Variants in RGS9 observed in about 807,000 individuals in gnomAD.
RGS9 encodes the protein regulator of G protein signaling 9.
In RGS9, 78 loss-of-function variants were observed where a neutral mutation model predicts 102.0. That is an observed-to-expected ratio of 0.76 (90% CI 0.64 to 0.92). The LOEUF is 0.92. Ranked by LOEUF, RGS9 falls within the 40% of genes least tolerant of loss-of-function variation. The probability of loss-of-function intolerance (pLI) is 0.00; values close to 1 mark genes in which losing one functional copy is unlikely to be tolerated. For missense variants in RGS9, 833 were observed against 866.1 expected (o/e 0.96, Z 0.48); for synonymous variants, 353 against 318.6 (o/e 1.11, Z -1.15).
At chr17:65,182,663 C>T (rs1264678925) in intron 9 of RGS9, among the ~76,000 whole-genome samples, 4 of 152,188 alleles carry the variant, frequency 2.6e-5, no homozygotes, top group African/African-American at 7.2e-5. Flanking sequence ...GAGACATAGC[C>T]GTTTGCCCAA....
At chr17:65,144,028 C>T (rs571389335) in intron 1 of RGS9, among the ~76,000 whole-genome samples, 3 of 151,834 alleles carry the variant, frequency 2.0e-5, no homozygotes, top group Admixed American at 6.6e-5. Context: ...GCTTTTGAAT[C>T]GGTGGGAAGA....
chr17:65,174,718 A>G (rs918378373), intron 8 of RGS9, among the ~76,000 whole-genome samples: 5 of 151,358 alleles, frequency 3.3e-5, no homozygotes, highest in African/African-American at 1.2e-4. Context: ...GTTTTTGTGT[A>G]TTCATTCTCA....
At chr17:65,207,135 G>A (rs1375313768) in intron 15 of RGS9, among the ~76,000 whole-genome samples, 3 of 152,152 alleles carry the variant, frequency 2.0e-5, no homozygotes, top group Non-Finnish European at 4.4e-5. Flanking sequence ...GGTTGTTTTT[G>A]TTTTTGCTTT....
Position 65,193,527 on chromosome 17 carries a change from T to G in RGS9, c.747-16T>G, listed in dbSNP as rs781119858. ...GTGTCGAGCTTCTAGGAAATCATTT[T>G]CTGTTTCCTTTTCAGGATTGTGAAA... On this transcript the variant is annotated splice_polypyrimidine_tract_variant and intron_variant, in intron 11 of 18. Coordinates refer to ENST00000262406, the MANE Select transcript of RGS9 (RefSeq NM_003835.4). 6.5e-7 allele frequency: 1 copy of G among 1,540,758 alleles called. No homozygotes were observed. Among genetic ancestry groups the G allele is most frequent in the Non-Finnish European group, 9.0e-7 (1 of 1,113,336 alleles).
intron 17 of RGS9, among the ~76,000 whole-genome samples, chr17:65,221,518 T>C (rs1334873771): frequency 6.6e-6 from 1 of 152,218 alleles, no homozygotes; most frequent in East Asian, 1.9e-4. Flanking sequence ...CACACAGACC[T>C]GGCCTCAGGT....
chr17:65,225,511 G>A lies in RGS9; in HGVS notation c.1892+25G>A, dbSNP rs58535033. On this transcript the variant is annotated intron_variant, in intron 18 of 18. Coordinates refer to ENST00000262406, the MANE Select transcript of RGS9 (RefSeq NM_003835.4). ...AGTAAGAACCCGAAGGGGACGTGCCGTATGCATGGGTGGCTGTGGGTGTGC... is the reference window on the plus strand; with the variant it reads ...AGTAAGAACCCGAAGGGGACGTGCCATATGCATGGGTGGCTGTGGGTGTGC... The A allele has an allele frequency of 4.6e-3, 7,387 of 1,599,448 alleles. 300 individuals are homozygous for A. The African/African-American group carries it at 0.087, about 19-fold the overall frequency.
intron 1 of RGS9, among the ~76,000 whole-genome samples, chr17:65,141,038 T>C (rs1041663693): frequency 2.0e-5 from 3 of 152,230 alleles, no homozygotes; most frequent in Admixed American, 2.0e-4. Flanking sequence ...AGAGCCATAC[T>C]GGTCAGAAAG....
At chr17:65,142,675 C>T (rs937398965) in intron 1 of RGS9, among the ~76,000 whole-genome samples, 1 of 151,394 alleles carries the variant, frequency 6.6e-6, no homozygotes, top group African/African-American at 2.4e-5. Flanking sequence ...CTCTGCCTCC[C>T]GGGTTCAAGT....
chr17:65,189,401 A>C, intron 10 of RGS9, 86 bp downstream of exon 10: 1 of 1,031,706 alleles, frequency 9.7e-7, no homozygotes, highest in Non-Finnish European at 1.5e-6. Flanking sequence ...TGCGCTTGGT[A>C]ATGAAATGAA....
intron 1 of RGS9, 63 bp downstream of exon 1, chr17:65,137,660 C>A: frequency 2.6e-6 from 4 of 1,551,502 alleles, no homozygotes; most frequent in Non-Finnish European, 2.7e-6. Context: ...GCGAAGCGTC[C>A]GAGGACAAGA....
At chr17:65,191,980 G>A (rs1473949362) in intron 11 of RGS9, among the ~76,000 whole-genome samples, 3 of 152,200 alleles carry the variant, frequency 2.0e-5, no homozygotes, top group Non-Finnish European at 4.4e-5. Flanking sequence ...CTACGGGGAG[G>A]AGGCACAGCA....
intron 9 of RGS9, among the ~76,000 whole-genome samples, chr17:65,187,606 C>T (rs1912172229): frequency 6.6e-6 from 1 of 152,156 alleles, no homozygotes; most frequent in Non-Finnish European, 1.5e-5. Flanking sequence ...CTGACTGCCT[C>T]AAAGGAAGTA....
At chr17:65,184,859 G>GTCTC (rs55810439) in intron 9 of RGS9, among the ~76,000 whole-genome samples, 23,175 of 138,238 alleles carry the variant, frequency 0.17, 3,477 homozygotes, top group African/African-American at 0.41. Context: ...CCTTCTCACT[G>GTCTC]TCTCTCTCTC....
rs78761586 is a variant in RGS9 at position 65,182,898 on chromosome 17, T to C, written c.654+5095T>C. The stretch of plus-strand genomic sequence containing the variant: ...CTCAGAATTCCTTACACTTTTTTTC[T>C]GAACAGTGAACTGCATTTTTATTTT... On this transcript the variant is annotated intron_variant, in intron 9 of 18. Transcript: ENST00000262406. Among the ~76,000 whole-genome samples, 165 of 152,342 alleles carry C rather than the reference T, an allele frequency of 1.1e-3. 3 individuals are homozygous for C. In the East Asian group the frequency reaches 0.028, roughly 26 times the overall value.
Position 65,160,330 on chromosome 17 carries a change from C to G in RGS9, c.303C>G (p.Tyr101Ter). The G allele has an allele frequency of 6.2e-7, 1 of 1,613,284 alleles. No homozygotes were observed. Among genetic ancestry groups the G allele is most frequent in the Non-Finnish European group, 8.5e-7 (1 of 1,179,184 alleles). ...NLILKPDGSL[Y>*]RFQTPYFWPT... ...TTCTCAAGCCTGATGGCAGCCTCTA[C>G]AGATTTCAGGTGAGTCTTGGCCTTG... Residue 101 changes from tyrosine (Y) to a stop codon, truncating the protein, a stop_gained, in exon 4 of 19, where the codon TAC becomes TAG. Coordinates refer to ENST00000262406, the MANE Select transcript of RGS9 (RefSeq NM_003835.4). LOFTEE classifies it high-confidence loss of function.
In RGS9 at chr17:65,161,308, G is replaced by A. The variant is rs986738959; in HGVS notation, c.423+399G>A. On this transcript the variant is annotated intron_variant, in intron 6 of 18. Transcript: ENST00000262406. ...GCTCTGTTGCCTGGGCTGAAGTACAGTGGCATGATCTCAGCTCACTGCAAC... is the reference window on the plus strand; with the variant it reads ...GCTCTGTTGCCTGGGCTGAAGTACAATGGCATGATCTCAGCTCACTGCAAC... 3.3e-5 allele frequency among the ~76,000 whole-genome samples: 5 copies of A among 152,212 alleles called. No individual in the cohort carries two copies. The South Asian group carries it at 6.2e-4, about 19-fold the overall frequency.
chr17:65,210,377 C>G, intron 16 of RGS9, 111 bp from the exon 17 acceptor site: 1 of 1,360,266 alleles, frequency 7.4e-7, no homozygotes, highest in Non-Finnish European at 1.0e-6. Context: ...AAGGAGGGAA[C>G]AAAATATAGA....
intron 2 of RGS9, among the ~76,000 whole-genome samples, chr17:65,153,889 CAAACAAAACA>C (rs372993920): frequency 6.6e-5 from 10 of 151,288 alleles, no homozygotes; most frequent in South Asian, 2.1e-4. Context: ...GACTCCGTCT[CAAACAAAACA>C]AAACAAAACA....
chr17:65,192,336 G>A (rs946873364), intron 11 of RGS9, among the ~76,000 whole-genome samples: 3 of 152,156 alleles, frequency 2.0e-5, no homozygotes, highest in Non-Finnish European at 2.9e-5. Flanking sequence ...AAATTAGGCC[G>A]GGAGCGGTGG....
Sources: allele counts gnomAD v4.1 joint callset (sites outside exome capture counted in the v4.1 genomes callset), GRCh38; gene constraint gnomAD v4.1.1; transcripts MANE v1.5; gene names NCBI Gene and HGNC (gene_info 2026-07-23, HGNC 2026-07-21).